The following UBA5 variants were observed in gnomAD, a reference collection of about 807,000 sequenced individuals.
UBA5 encodes the protein ubiquitin like modifier activating enzyme 5.
UBA5 carries 28 observed loss-of-function variants against 52.9 expected under a neutral mutation model. That is an observed-to-expected ratio of 0.53 (90% CI 0.39 to 0.73). The LOEUF (loss-of-function observed/expected upper bound fraction) is 0.73. Among genes scored for constraint, UBA5 ranks in the 30% least tolerant of loss-of-function variants. UBA5 has a pLI of 0.00. For missense variants in UBA5, 388 were observed against 492.7 expected (o/e 0.79, Z 2.01); for synonymous variants, 135 against 162.1 (o/e 0.83, Z 1.27).
chr3:132,675,693 T>C lies in UBA5; in HGVS notation c.1024+13T>C, dbSNP rs1938807659. On this transcript the variant is annotated intron_variant, in intron 10 of 11. Transcript: ENST00000356232. ...GATAATGAATGGGGTAGGTATTCTT[T>C]TATAAATTGAAATGGCAGTATAAAA... 1.3e-6 allele frequency: 2 copies of C among 1,599,090 alleles called. No homozygotes were observed. The highest frequency in any genetic ancestry group is 1.3e-5 in the African/African-American group (1 of 74,538).
At chr3:132,664,024 G>A (rs573222719) in intron 1 of UBA5, among the ~76,000 whole-genome samples, 4 of 152,256 alleles carry the variant, frequency 2.6e-5, no homozygotes, top group African/African-American at 9.6e-5. Flanking sequence ...ACTGGAGAAA[G>A]AAGATAAAGG....
upstream of UBA5, among the ~76,000 whole-genome samples, chr3:132,656,713 C>T (rs1487082147): frequency 2.6e-5 from 4 of 152,008 alleles, no homozygotes; most frequent in Non-Finnish European, 2.9e-5. Flanking sequence ...AGGCTGGTCT[C>T]GAACTCGACC....
chr3:132,670,645 C>A (rs1320740190), intron 5 of UBA5: 2 of 227,996 alleles, frequency 8.8e-6, no homozygotes, highest in Non-Finnish European at 1.7e-5. Flanking sequence ...GCTTTTATTA[C>A]ATTTGTAATG....
In UBA5 at chr3:132,660,942, G is replaced by T. The variant is rs910365831; in HGVS notation, c.161+244G>T. 6 of 1,493,296 alleles carry T rather than the reference G, an allele frequency of 4.0e-6. No individual in the cohort carries two copies. Among genetic ancestry groups the T allele is most frequent in the Middle Eastern group, 1.7e-4 (1 of 5,776 alleles). 92.5% of individuals were successfully genotyped at this position (1,493,296 alleles called of 1,614,324 possible). On this transcript the variant is annotated intron_variant, in intron 1 of 11. Transcript: ENST00000356232. The surrounding 1 kb of genome is among the most constrained non-coding windows in gnomAD (Gnocchi z 4.1). The stretch of plus-strand genomic sequence containing the variant: ...CTGCTCCTGTGCCTGCTGAGGACGT[G>T]TGTCCAGTTTCCTATCACCCTTGCC...
chr3:132,677,407 G>A lies in UBA5; in HGVS notation c.*881G>A, dbSNP rs1938885025. 6.5e-6 allele frequency: 1 copy of A among 153,378 alleles called. No homozygotes were observed. Among genetic ancestry groups the A allele is most frequent in the South Asian group, 2.0e-4 (1 of 4,920 alleles). 9.5% of individuals were successfully genotyped at this position (153,378 alleles called of 1,614,324 possible). On this transcript the variant is annotated 3_prime_UTR_variant, in exon 12 of 12. Transcript: ENST00000356232. Reference sequence around the variant, plus strand: ...AGGTAGTGAGATGTCGGCAAGGTTTGTCCTGTATATTAGGAATAAAGGAAA... The same window carrying A: ...AGGTAGTGAGATGTCGGCAAGGTTTATCCTGTATATTAGGAATAAAGGAAA...
chr3:132,676,582 A>T lies in UBA5; in HGVS notation c.*56A>T. ...TGTTAAAGCCTCTTCCCTTGAAATT[A>T]AAAAAAAATTTTAACTGATAAAACT... On this transcript the variant is annotated 3_prime_UTR_variant, in exon 12 of 12. Transcript: ENST00000356232. This position sits in a 1 kb window ranked among gnomAD's most constrained non-coding sequence, Gnocchi z 4.1. The T allele has an allele frequency of 7.9e-7, 1 of 1,264,874 alleles. No homozygotes were observed. The highest frequency in any genetic ancestry group is 1.1e-6 in the Non-Finnish European group (1 of 903,994). The allele number at this position is 1,264,874 out of a possible 1,614,324, so 78.4% of individuals were successfully genotyped here. A position where few individuals can be genotyped will look rare whatever the true frequency, so the allele number is the denominator to read the frequency against.
At position 132,675,374 on chromosome 3, in the gene UBA5, G is replaced by A. The variant is rs111904472; in HGVS notation, c.939G>A (p.Glu313=). Reference sequence around the variant, plus strand: ...ACAGAAATTGCAGGAAGCAGCAGGAGGAATATAAGGTATATGACAATCTGT... The same window carrying A: ...ACAGAAATTGCAGGAAGCAGCAGGAAGAATATAAGGTATATGACAATCTGT... ...CDDRNCRKQQ[E]EYKKKVAALP... The change falls in exon 9 of 12, where the codon GAG becomes GAA. Residue 313 remains glutamate, a synonymous_variant. Coordinates refer to ENST00000356232, the MANE Select transcript of UBA5 (RefSeq NM_024818.6). 483 of 1,613,394 alleles carry A rather than the reference G, an allele frequency of 3.0e-4. 4 individuals carry two copies. The African/African-American group carries it at 4.7e-3, about 16-fold the overall frequency.
At chr3:132,670,563 T>C (rs894329842) in intron 5 of UBA5, 19 of 237,476 alleles carry the variant, frequency 8.0e-5, no homozygotes, top group African/African-American at 4.1e-4. Context: ...TTCTAGATTA[T>C]ATTTCTGTCT....
At chr3:132,654,519 T>G (rs564332616) in exon 1 of UBA5, 1 of 152,330 alleles carries the variant, frequency 6.6e-6, no homozygotes, top group East Asian at 1.9e-4. Flanking sequence ...AAAAGTCAGC[T>G]GAAGATAATG....
upstream of UBA5, chr3:132,660,225 G>A (rs1384232286): frequency 1.9e-6 from 1 of 513,408 alleles, no homozygotes; most frequent in Non-Finnish European, 3.5e-6. The surrounding 1 kb of genome is among the most constrained non-coding windows in gnomAD (Gnocchi z 4.1). Context: ...CTCCTGCCCT[G>A]GACACTTATC....
At chr3:132,656,666 G>A (rs141805911), upstream of UBA5, among the ~76,000 whole-genome samples, 108 of 151,884 alleles carry the variant, frequency 7.1e-4, 1 homozygote, top group African/African-American at 2.0e-3. Context: ...AGCTAATTTC[G>A]TATTTTTAGT....
At chr3:132,659,833 CT>C (rs1344181786), upstream of UBA5, 5 of 1,478,058 alleles carry the variant, frequency 3.4e-6, no homozygotes, top group East Asian at 1.2e-4. Flanking sequence ...AACGTCCCCT[CT>C]AGAGCATGGG....
At chr3:132,669,141 G>C in intron 4 of UBA5, among the ~76,000 whole-genome samples, 1 of 152,282 alleles carries the variant, frequency 6.6e-6, no homozygotes, top group East Asian at 1.9e-4. Context: ...TATTCTGTTG[G>C]AACTGTTAGT....
rs564028090 is a variant in UBA5 at position 132,660,813 on chromosome 3, G to C, written c.161+115G>C. On this transcript the variant is annotated intron_variant, in intron 1 of 11. Transcript: ENST00000356232. This position sits in a 1 kb window ranked among gnomAD's most constrained non-coding sequence, Gnocchi z 4.1. ...TGGGGACGCCCGCCACCCTTTTCTT[G>C]GTCTGCGAATCCTGTTCCCAAATGG... 6.9e-7 allele frequency: 1 copy of C among 1,449,014 alleles called. No homozygotes were observed. The highest frequency in any genetic ancestry group is 1.4e-5 in the African/African-American group (1 of 69,878). The allele number at this position is 1,449,014 out of a possible 1,614,324, so 89.8% of individuals were successfully genotyped here. A position where few individuals can be genotyped will look rare whatever the true frequency, so the allele number is the denominator to read the frequency against.
At chr3:132,666,235 C>G (rs1052523461) in intron 3 of UBA5, 162 bp downstream of exon 3, 2 of 591,512 alleles carry the variant, frequency 3.4e-6, no homozygotes, top group Middle Eastern at 3.3e-4. Context: ...CCCACCCAAA[C>G]AAAAGGTGAT....
intron 5 of UBA5, 27 bp from the exon 6 acceptor site, chr3:132,670,938 T>C: frequency 6.3e-7 from 1 of 1,577,274 alleles, no homozygotes; most frequent in Non-Finnish European, 8.7e-7. Flanking sequence ...TGTCCTGATG[T>C]TTTTCAAACT....
chr3:132,675,032 T>C (rs1487650757), intron 8 of UBA5, among the ~76,000 whole-genome samples: 1 of 152,194 alleles, frequency 6.6e-6, no homozygotes, highest in Non-Finnish European at 1.5e-5. Flanking sequence ...AATGGAGTAA[T>C]CTTTTCTTTC....
intron 11 of UBA5, 24 bp downstream of exon 11, chr3:132,675,947 C>T: frequency 7.2e-7 from 1 of 1,386,474 alleles, no homozygotes; most frequent in African/African-American, 1.4e-5. Context: ...ATGATTTACC[C>T]ATATGTAAAT....
rs1938816314 is a variant in UBA5 at position 132,675,875 on chromosome 3, T to C, written c.1083T>C (p.Val361=). The C allele has an allele frequency of 6.2e-7, 1 of 1,611,676 alleles. No individual in the cohort carries two copies. Among genetic ancestry groups the C allele is most frequent in the African/African-American group, 1.3e-5 (1 of 74,832 alleles). The change falls in exon 11 of 12, where the codon GTT becomes GTC. Residue 361 remains valine (V), a synonymous_variant. Coordinates refer to ENST00000356232, the MANE Select transcript of UBA5 (RefSeq NM_024818.6). ...EEELKNFSGP[V]PDLPEGITVA... ...AACTGAAAAATTTTTCAGGTCCAGTTCCAGACTTACCTGAAGGAATTACAG... is the reference window on the plus strand; with the variant it reads ...AACTGAAAAATTTTTCAGGTCCAGTCCCAGACTTACCTGAAGGAATTACAG...
Sources: gnomAD v4.1 joint callset for allele counts (sites outside exome capture counted in the v4.1 genomes callset) on GRCh38, gnomAD v4.1.1 for gene constraint, Gnocchi (gnomAD v3.1) non-coding constraint, MANE v1.5 for transcripts, NCBI Gene and HGNC (gene_info 2026-07-23, HGNC 2026-07-21) for gene names.